Variants in NRXN1 observed in about 807,000 individuals in gnomAD.
The protein encoded by NRXN1 is neurexin-1.
Under a neutral mutation model 150.9 loss-of-function variants are expected in NRXN1, and 39 were observed. That is an observed-to-expected ratio of 0.26 (90% CI 0.20 to 0.34). NRXN1 has a LOEUF of 0.34. Among genes scored for constraint, NRXN1 ranks in the 10% least tolerant of loss-of-function variants. The probability of loss-of-function intolerance (pLI) is 1.00; values close to 1 mark genes in which losing one functional copy is unlikely to be tolerated. For missense variants in NRXN1, 1,815 were observed against 1,949.9 expected, an observed-to-expected ratio of 0.93 and a Z score of 1.30; for synonymous variants, 924 against 757.0, an observed-to-expected ratio of 1.22 and a Z score of -3.62.
chr2:50,694,286 A>G, intron 5 of NRXN1, among the ~76,000 whole-genome samples: 1 of 152,202 alleles, frequency 6.6e-6, no homozygotes, highest in East Asian at 1.9e-4. Flanking sequence ...GGTAGGTTCT[A>G]GCACTGTCTC....
chr2:50,821,449 C>T (rs1459944005), intron 5 of NRXN1, among the ~76,000 whole-genome samples: 2 of 152,138 alleles, frequency 1.3e-5, no homozygotes, highest in Non-Finnish European at 2.9e-5. Context: ...TACATAACTC[C>T]TATGTGCTTA....
intron 21 of NRXN1, among the ~76,000 whole-genome samples, chr2:50,000,931 A>G (rs1183700752): frequency 2.6e-5 from 4 of 152,202 alleles, no homozygotes; most frequent in Non-Finnish European, 5.9e-5. Flanking sequence ...GGGTTGTTCA[A>G]TTGTGAAAGT....
intron 5 of NRXN1, among the ~76,000 whole-genome samples, chr2:50,717,699 G>A (rs1322776314): frequency 1.3e-5 from 2 of 152,154 alleles, no homozygotes; most frequent in Admixed American, 6.5e-5. Flanking sequence ...CACAGTACAG[G>A]ATGCTGAAGG....
At chr2:50,904,262 T>A (rs1217832863) in intron 5 of NRXN1, among the ~76,000 whole-genome samples, 1 of 152,136 alleles carries the variant, frequency 6.6e-6, no homozygotes, top group Non-Finnish European at 1.5e-5. Context: ...TAAAGTATAA[T>A]AATAATTTTA....
intron 8 of NRXN1, among the ~76,000 whole-genome samples, chr2:50,559,029 C>G (rs1668663449): frequency 1.3e-5 from 2 of 152,126 alleles, no homozygotes; most frequent in African/African-American, 2.4e-5. Flanking sequence ...TTGCAGTGAG[C>G]CGAGATCGCA....
At chr2:50,427,042 T>C (rs529313497) in intron 17 of NRXN1, among the ~76,000 whole-genome samples, 46 of 152,206 alleles carry the variant, frequency 3.0e-4, no homozygotes, top group Non-Finnish European at 5.3e-4. Context: ...CACTCTTTAC[T>C]GTCAGAGGAA....
intron 17 of NRXN1, among the ~76,000 whole-genome samples, chr2:50,458,768 G>A (rs1286703050): frequency 1.3e-5 from 2 of 152,046 alleles, no homozygotes; most frequent in Non-Finnish European, 2.9e-5. Flanking sequence ...TTTTAGTAGA[G>A]ATGGTGTTTC....
intron 17 of NRXN1, among the ~76,000 whole-genome samples, chr2:50,393,438 G>T (rs184615948): frequency 6.6e-6 from 1 of 151,996 alleles, no homozygotes; most frequent in Non-Finnish European, 1.5e-5. Context: ...AGGATTACAG[G>T]ATAGTGTGCT....
chr2:50,233,407 A>C (rs1487584446), intron 18 of NRXN1, among the ~76,000 whole-genome samples: 3 of 152,082 alleles, frequency 2.0e-5, no homozygotes, highest in East Asian at 3.9e-4. Flanking sequence ...ATTTTTAAAA[A>C]TCCAACATTT....
At chr2:50,251,701 T>C (rs2067104905) in intron 17 of NRXN1, among the ~76,000 whole-genome samples, 1 of 152,164 alleles carries the variant, frequency 6.6e-6, no homozygotes, top group African/African-American at 2.4e-5. Flanking sequence ...CTGCTGTTTC[T>C]TGACTCTTTA....
intron 5 of NRXN1, among the ~76,000 whole-genome samples, chr2:50,806,382 C>G (rs990096611): frequency 6.6e-6 from 1 of 152,024 alleles, no homozygotes; most frequent in African/African-American, 2.4e-5. Flanking sequence ...TTAGTAAACC[C>G]CATTATAACA....
chr2:50,332,440 C>G (rs1300185467), intron 17 of NRXN1, among the ~76,000 whole-genome samples: 3 of 152,188 alleles, frequency 2.0e-5, no homozygotes, highest in Non-Finnish European at 1.5e-5. Flanking sequence ...AAAACACAGA[C>G]TGGATGTATC....
At chr2:50,719,989 C>A (rs375233195) in intron 5 of NRXN1, among the ~76,000 whole-genome samples, 92 of 152,214 alleles carry the variant, frequency 6.0e-4, no homozygotes, top group African/African-American at 2.1e-3. Flanking sequence ...CAGACGTGTA[C>A]AAATACACAC....
At chr2:50,111,934 T>A (rs1212886686) in intron 18 of NRXN1, among the ~76,000 whole-genome samples, 1 of 152,056 alleles carries the variant, frequency 6.6e-6, no homozygotes, top group Non-Finnish European at 1.5e-5. Context: ...GTAAGATGGG[T>A]ACCAAACCGT....
At chr2:50,300,086 G>T (rs1338871742) in intron 17 of NRXN1, among the ~76,000 whole-genome samples, 2 of 152,062 alleles carry the variant, frequency 1.3e-5, no homozygotes, top group African/African-American at 4.8e-5. Flanking sequence ...GAAAGGAGGT[G>T]GGATAGAGAA....
At chr2:50,386,710 A>G (rs1035827003) in intron 17 of NRXN1, among the ~76,000 whole-genome samples, 2 of 152,172 alleles carry the variant, frequency 1.3e-5, no homozygotes, top group African/African-American at 4.8e-5. Context: ...CAGTTATTGC[A>G]TCCTGTGGAG....
chr2:50,782,977 T>C (rs1192431598), intron 5 of NRXN1, among the ~76,000 whole-genome samples: 1 of 152,200 alleles, frequency 6.6e-6, no homozygotes, highest in Non-Finnish European at 1.5e-5. Context: ...ATTATGTTTC[T>C]GAGACTTGCG....
chr2:50,528,974 T>C (rs370173430), intron 11 of NRXN1: 1 of 263,948 alleles, frequency 3.8e-6, no homozygotes, highest in South Asian at 6.0e-5. Context: ...TGAAAGAACA[T>C]ATCATTGTTT....
At chr2:50,402,438 TAATA>T (rs1176188391) in intron 17 of NRXN1, among the ~76,000 whole-genome samples, 1 of 152,052 alleles carries the variant, frequency 6.6e-6, no homozygotes, top group African/African-American at 2.4e-5. Context: ...TCTGCCAATC[TAATA>T]AATGTGAGTA....
Sources: allele counts gnomAD v4.1 joint callset (sites outside exome capture counted in the v4.1 genomes callset), GRCh38; gene constraint gnomAD v4.1.1; transcripts MANE v1.5; gene names NCBI Gene and HGNC (gene_info 2026-07-23, HGNC 2026-07-21).